ADGRF5: variants seen among roughly 807,000 people sequenced by gnomAD.
ADGRF5 encodes the protein adhesion G protein-coupled receptor F5, also known as G-protein coupled receptor 116.
In ADGRF5, 75 loss-of-function variants were observed where a neutral mutation model predicts 132.3. The observed-to-expected ratio is 0.57, with a 90% confidence interval of 0.47 to 0.69. ADGRF5 has a LOEUF of 0.69. Among genes scored for constraint, ADGRF5 ranks in the 30% least tolerant of loss-of-function variants. The probability of loss-of-function intolerance (pLI) is 0.00; values close to 1 mark genes in which losing one functional copy is unlikely to be tolerated. For missense variants in ADGRF5, 1,516 were observed against 1,630.6 expected (o/e 0.93, Z 1.21); for synonymous variants, 629 against 597.6 (o/e 1.05, Z -0.77).
chr6:46,945,820 C>T (rs982399663), intron 1 of ADGRF5, among the ~76,000 whole-genome samples: 2 of 152,146 alleles, frequency 1.3e-5, no homozygotes, highest in Admixed American at 6.5e-5. Context: ...GGGGAGGCCT[C>T]ACAATCATGG....
chr6:46,930,614 T>C (rs1368571785), intron 1 of ADGRF5, among the ~76,000 whole-genome samples: 1 of 152,212 alleles, frequency 6.6e-6, no homozygotes, highest in Non-Finnish European at 1.5e-5. Context: ...CAATTATCAG[T>C]GGAATTGCTG....
At chr6:46,875,803 C>T (rs547632136) in intron 10 of ADGRF5, among the ~76,000 whole-genome samples, 5 of 151,884 alleles carry the variant, frequency 3.3e-5, no homozygotes, top group Non-Finnish European at 7.4e-5. Flanking sequence ...AAACAAAAAA[C>T]AAAATGAAAC....
At chr6:46,870,213 C>G (rs1306021434) in intron 11 of ADGRF5, among the ~76,000 whole-genome samples, 2 of 152,048 alleles carry the variant, frequency 1.3e-5, no homozygotes, top group African/African-American at 4.8e-5. Flanking sequence ...CCCAGGCTGG[C>G]ACAATCACGG....
intron 11 of ADGRF5, among the ~76,000 whole-genome samples, chr6:46,869,802 A>T (rs1243931757): frequency 6.6e-6 from 1 of 152,234 alleles, no homozygotes; most frequent in Admixed American, 6.5e-5. Context: ...ACTGTCAGGT[A>T]AACTGGGATG....
intron 2 of ADGRF5, 119 bp downstream of exon 2, chr6:46,906,542 A>G: frequency 1.5e-6 from 1 of 664,998 alleles, no homozygotes; most frequent in Non-Finnish European, 2.7e-6. Flanking sequence ...AACTATGGGA[A>G]GAATGTTTTT....
At chr6:46,938,107 T>C (rs979117762) in intron 1 of ADGRF5, among the ~76,000 whole-genome samples, 15 of 152,302 alleles carry the variant, frequency 9.8e-5, no homozygotes, top group Admixed American at 5.9e-4. Context: ...AAACATGACT[T>C]ACAGTTTAAT....
At chr6:46,945,151 AT>A (rs1196207075) in intron 1 of ADGRF5, among the ~76,000 whole-genome samples, 2 of 152,196 alleles carry the variant, frequency 1.3e-5, no homozygotes, top group African/African-American at 4.8e-5. Context: ...ACATTTGGAA[AT>A]TCTGCCTGAG....
At chr6:46,920,405 C>G (rs927538337) in intron 1 of ADGRF5, among the ~76,000 whole-genome samples, 1 of 151,656 alleles carries the variant, frequency 6.6e-6, no homozygotes, top group African/African-American at 2.4e-5. Context: ...GGATAAATCA[C>G]AAGAACTTGA....
At chr6:46,891,524 T>C (rs1334620815) in intron 3 of ADGRF5, among the ~76,000 whole-genome samples, 1 of 152,234 alleles carries the variant, frequency 6.6e-6, no homozygotes, top group Admixed American at 6.5e-5. Flanking sequence ...CAGGATTTCC[T>C]GGATGGTAGC....
chr6:46,951,912 C>T (rs562580969), intron 1 of ADGRF5, among the ~76,000 whole-genome samples: 1 of 152,174 alleles, frequency 6.6e-6, no homozygotes, highest in African/African-American at 2.4e-5. Flanking sequence ...AAGATCTCTT[C>T]GAGCTGGCTT....
intron 4 of ADGRF5, among the ~76,000 whole-genome samples, chr6:46,885,826 T>C (rs576910935): frequency 6.6e-6 from 1 of 152,352 alleles, no homozygotes; most frequent in Non-Finnish European, 1.5e-5. Context: ...TTTATTTTCA[T>C]ATAACTGTTA....
rs149743770 is a variant in ADGRF5, at chr6:46,920,605, G to A, written c.-25+1108C>T. 1.6e-4 allele frequency among the ~76,000 whole-genome samples: 25 copies of A among 151,660 alleles called. No individual in the cohort carries two copies. The East Asian group carries it at 2.3e-3, about 14-fold the overall frequency. On this transcript the variant is annotated intron_variant, in intron 1 of 20. Transcript: ENST00000283296. ...AAGCTGGCTGCGATGGCTGACACCC[G>A]TAATTCCAGCATTTTGGGAGGCCGA...
At chr6:46,894,933 C>G (rs1310180820) in intron 3 of ADGRF5, among the ~76,000 whole-genome samples, 1 of 152,190 alleles carries the variant, frequency 6.6e-6, no homozygotes, top group African/African-American at 2.4e-5. Context: ...AATACCAGCA[C>G]TTTAGGAAGC....
At chr6:46,937,529 GA>G (rs1259702398) in intron 1 of ADGRF5, among the ~76,000 whole-genome samples, 1 of 152,026 alleles carries the variant, frequency 6.6e-6, no homozygotes, top group African/African-American at 2.4e-5. Context: ...ATCTGAGGGG[GA>G]TACATTCCAA....
At chr6:46,883,998 T>A in intron 5 of ADGRF5, 97 bp downstream of exon 5, 2 of 997,734 alleles carry the variant, frequency 2.0e-6, no homozygotes, top group Non-Finnish European at 3.1e-6. Flanking sequence ...CACATCGGAC[T>A]ATCAAAGTGC....
chr6:46,895,513 G>T (rs573093848), intron 3 of ADGRF5, among the ~76,000 whole-genome samples: 1 of 151,550 alleles, frequency 6.6e-6, no homozygotes, highest in East Asian at 2.0e-4. Context: ...CACCCAGGTT[G>T]CTAGGCCTGC....
At chr6:46,879,727 T>C in intron 9 of ADGRF5, 91 bp downstream of exon 9, 1 of 876,818 alleles carries the variant, frequency 1.1e-6, no homozygotes, top group Non-Finnish European at 1.9e-6. Flanking sequence ...AAAAACACTA[T>C]CTACATAGCT....
chr6:46,898,935 C>T (rs573752589), intron 3 of ADGRF5, among the ~76,000 whole-genome samples: 75 of 152,322 alleles, frequency 4.9e-4, no homozygotes, highest in Middle Eastern at 3.4e-3. Context: ...TTCATCTATT[C>T]GCTCACTGGT....
chr6:46,923,603 C>T (rs192778984), upstream of ADGRF5, among the ~76,000 whole-genome samples: 1 of 152,308 alleles, frequency 6.6e-6, no homozygotes, highest in African/African-American at 2.4e-5. Flanking sequence ...CAAATGCTGC[C>T]TTTTTTCCTG....
Sources: gnomAD v4.1 joint callset for allele counts (sites outside exome capture counted in the v4.1 genomes callset) on GRCh38, gnomAD v4.1.1 for gene constraint, MANE v1.5 for transcripts, NCBI Gene and HGNC (gene_info 2026-07-23, HGNC 2026-07-21) for gene names.